The following TNRC18 variants were observed in gnomAD, a reference collection of about 807,000 sequenced individuals.
The protein encoded by TNRC18 is trinucleotide repeat-containing gene 18 protein.
A neutral mutation model predicts 226.7 loss-of-function variants in TNRC18; 69 were observed. The ratio of observed to expected loss-of-function variants is 0.30; its 90% CI spans 0.25 to 0.37. The LOEUF (loss-of-function observed/expected upper bound fraction) is 0.37. Among genes scored for constraint, TNRC18 ranks in the 10% least tolerant of loss-of-function variants. TNRC18 has a pLI of 1.00. For synonymous variants in TNRC18, 2,449 were observed against 1,927.6 expected, an observed-to-expected ratio of 1.27 and a Z score of -7.09; for missense variants, 4,754 against 4,256.6, an observed-to-expected ratio of 1.12 and a Z score of -3.25.
At chr7:5,321,236 G>A in intron 21 of TNRC18, 46 bp from the exon 22 acceptor site, 1 of 1,360,060 alleles carries the variant, frequency 7.4e-7, no homozygotes, top group African/African-American at 1.4e-5. Context: ...GGGGGCGTCT[G>A]CGACACCTCT....
chr7:5,350,292 G>C (rs1346459401), intron 17 of TNRC18, among the ~76,000 whole-genome samples: 2 of 152,098 alleles, frequency 1.3e-5, no homozygotes, highest in African/African-American at 4.8e-5. Flanking sequence ...TAGCAGCCCA[G>C]GGGAACATGG....
intron 18 of TNRC18, 34 bp downstream of exon 18, chr7:5,345,528 C>CCCCCCCCCCCCCCCCCCCCCAA: frequency 1.9e-6 from 1 of 534,162 alleles, no homozygotes; most frequent in South Asian, 3.4e-5. Flanking sequence ...CCCCTCCCAC[C>CCCCCCCCCCCCCCCCCCCCCAA]CACCCCCACC....
At chr7:5,363,222 G>C (rs573204579) in intron 11 of TNRC18, among the ~76,000 whole-genome samples, 3 of 152,230 alleles carry the variant, frequency 2.0e-5, no homozygotes, top group South Asian at 4.2e-4. Flanking sequence ...AGAACCACTT[G>C]AACCCGGGAG....
rs1407808878 is a variant in TNRC18 at position 5,332,799 on chromosome 7, G to C, written c.5970C>G (p.Asp1990Glu). The C allele has an allele frequency of 4.6e-6, 7 of 1,512,188 alleles. No homozygotes were observed. Among genetic ancestry groups the C allele is most frequent in the Non-Finnish European group, 6.2e-6 (7 of 1,138,038 alleles). The allele number at this position is 1,512,188 out of a possible 1,614,324, so 93.7% of individuals were successfully genotyped here. A position where few individuals can be genotyped will look rare whatever the true frequency, so the allele number is the denominator to read the frequency against. Reference sequence around the variant, plus strand: ...TGCGGCGCCGCGTCCACAGGTCGTCGTCGCTGGCCTCGGGCCCCGCCTCGA... The same window carrying C: ...TGCGGCGCCGCGTCCACAGGTCGTCCTCGCTGGCCTCGGGCCCCGCCTCGA... ...PGFEAGPEAS[D>E]DDLWTRRRSE... is the part of the protein sequence containing the mutation. The change falls in exon 19 of 30, where the codon GAC becomes GAG. Residue 1990 changes from aspartate to glutamate, a missense_variant. Asp to Glu is a conservative substitution (Grantham distance 45). Coordinates refer to ENST00000430969, the MANE Select transcript of TNRC18 (RefSeq NM_001080495.3).
chr7:5,377,251 A>G lies in TNRC18; in HGVS notation c.2461+120T>C. On this transcript the variant is annotated intron_variant, in intron 7 of 29. Transcript: ENST00000430969. The surrounding 1 kb of genome is among the most constrained non-coding windows in gnomAD (Gnocchi z 5.8). ...CATTCCTTCTTCCGACGAATGCGGG[A>G]GGCAGGCCCAGGCCCCCCAGGAAAC... 8.6e-7 allele frequency: 1 copy of G among 1,167,646 alleles called. No homozygotes were observed. The highest frequency in any genetic ancestry group is 1.2e-6 in the Non-Finnish European group (1 of 844,626). 72.3% of individuals were successfully genotyped at this position (1,167,646 alleles called of 1,614,324 possible).
chr7:5,404,749 G>A (rs1017598518), intron 2 of TNRC18, among the ~76,000 whole-genome samples: 5 of 144,594 alleles, frequency 3.5e-5, no homozygotes, highest in Admixed American at 2.1e-4. Context: ...CCCCAGCAGC[G>A]CATGCACACT....
In TNRC18 at chr7:5,324,473, G is replaced by A. The variant is rs541854304; in HGVS notation, c.6301-118C>T. 2.5e-5 allele frequency: 34 copies of A among 1,375,436 alleles called. No homozygotes were observed. In the South Asian group the frequency reaches 3.4e-4, roughly 14 times the overall value. The allele number at this position is 1,375,436 out of a possible 1,614,324, so 85.2% of individuals were successfully genotyped here. A position where few individuals can be genotyped will look rare whatever the true frequency, so the allele number is the denominator to read the frequency against. ...AGGCCGCAGGGGGAATCTGTCATGT[G>A]CATGGCAGGGATCCCAGTTAGGGGC... On this transcript the variant is annotated intron_variant, in intron 20 of 29. Transcript: ENST00000430969. This position sits in a 1 kb window ranked among gnomAD's most constrained non-coding sequence, Gnocchi z 4.8.
At chr7:5,362,607 GC>G (rs778122918) in intron 12 of TNRC18, 42 bp downstream of exon 12, 11 of 1,484,494 alleles carry the variant, frequency 7.4e-6, no homozygotes, top group Non-Finnish European at 9.0e-6. Flanking sequence ...CTCCCACCCA[GC>G]CTCCCCCGCG....
At chr7:5,347,994 A>T (rs1304250485) in intron 17 of TNRC18, among the ~76,000 whole-genome samples, 1 of 152,164 alleles carries the variant, frequency 6.6e-6, no homozygotes, top group African/African-American at 2.4e-5. Context: ...AAACATAAAG[A>T]AGCCCCAGCC....
Position 5,421,172 on chromosome 7 carries a change from C to A in TNRC18, c.75G>T (p.Met25Ile). Residue 25 changes from methionine (M) to isoleucine (I), a missense_variant, in exon 2 of 30, where the codon ATG becomes ATT. Physicochemically the swap from Met to Ile is conservative, Grantham distance 10. Transcript: ENST00000430969. ...PPPPLLSGLA[M>I]DSHRVGAATA... ...TGGCCGCGCCCACGCGGTGGCTGTC[C>A]ATGGCCAGGCCGGACAGCAGCGGCG... 2.8e-6 allele frequency: 4 copies of A among 1,405,102 alleles called. No homozygotes were observed. The highest frequency in any genetic ancestry group is 3.7e-6 in the Non-Finnish European group (4 of 1,077,034). 87.0% of individuals were successfully genotyped at this position (1,405,102 alleles called of 1,614,324 possible).
At chr7:5,384,867 C>T (rs1779647323) in intron 5 of TNRC18, among the ~76,000 whole-genome samples, 1 of 152,248 alleles carries the variant, frequency 6.6e-6, no homozygotes, top group African/African-American at 2.4e-5. Context: ...CCACACAGAG[C>T]AGTGTGTTCA....
rs1351291621 is a variant in TNRC18, at chr7:5,355,086, T to C, written c.5194+1830A>G. Among the ~76,000 whole-genome samples the C allele has an allele frequency of 6.2e-4, 94 of 152,112 alleles. 2 individuals carry two copies. Among genetic ancestry groups the C allele is most frequent in the Non-Finnish European group, 4.4e-5 (3 of 68,026 alleles). On this transcript the variant is annotated intron_variant, in intron 16 of 29. Coordinates refer to ENST00000430969, the MANE Select transcript of TNRC18 (RefSeq NM_001080495.3). ...TTCCCAGAACAAACACCACTGACAC[T>C]GACATGGGCCAGAACCCAGGAAGCT... is the stretch of plus-strand genomic sequence containing the variant.
chr7:5,320,772 T>C, intron 22 of TNRC18, 165 bp from the exon 23 acceptor site: 1 of 664,756 alleles, frequency 1.5e-6, no homozygotes, highest in Non-Finnish European at 2.6e-6. Flanking sequence ...TCTGGGTTCA[T>C]TTTCCTCATC....
intron 2 of TNRC18, among the ~76,000 whole-genome samples, chr7:5,404,666 G>T (rs780027725): frequency 1.3e-5 from 2 of 152,022 alleles, no homozygotes; most frequent in Non-Finnish European, 2.9e-5. Flanking sequence ...CAAGGAAACA[G>T]GCAGACCTAC....
At chr7:5,412,538 C>T (rs527982784) in intron 2 of TNRC18, among the ~76,000 whole-genome samples, 18 of 151,590 alleles carry the variant, frequency 1.2e-4, no homozygotes, top group Admixed American at 4.6e-4. Flanking sequence ...ATCGCGCCAC[C>T]GCACCCCAGC....
intron 17 of TNRC18, among the ~76,000 whole-genome samples, chr7:5,347,882 G>A (rs1184520125): frequency 6.6e-6 from 1 of 151,768 alleles, no homozygotes; most frequent in Non-Finnish European, 1.5e-5. Context: ...TTGAACCCCG[G>A]AGGCGGAGGT....
At chr7:5,386,984 G>T (rs1779837761) in intron 5 of TNRC18, among the ~76,000 whole-genome samples, 1 of 152,156 alleles carries the variant, frequency 6.6e-6, no homozygotes, top group Admixed American at 6.5e-5. Flanking sequence ...TGAGCCAGGA[G>T]AATCACTTGA....
At chr7:5,365,023 G>C (rs1011410822) in intron 11 of TNRC18, among the ~76,000 whole-genome samples, 1 of 134,468 alleles carries the variant, frequency 7.4e-6, no homozygotes, top group African/African-American at 3.0e-5. Context: ...GCAGAATCAT[G>C]TGGGGGGGCG....
intron 11 of TNRC18, among the ~76,000 whole-genome samples, chr7:5,369,951 T>C (rs943252559): frequency 6.6e-6 from 1 of 152,166 alleles, no homozygotes; most frequent in Non-Finnish European, 1.5e-5. Flanking sequence ...TTAACCACAA[T>C]TTTTTAAAAA....
Sources: gnomAD v4.1 joint callset for allele counts (sites outside exome capture counted in the v4.1 genomes callset) on GRCh38, gnomAD v4.1.1 for gene constraint, Gnocchi (gnomAD v3.1) non-coding constraint, MANE v1.5 for transcripts, NCBI Gene and HGNC (gene_info 2026-07-23, HGNC 2026-07-21) for gene names.